The following AGBL4 variants were observed in gnomAD, a reference collection of about 807,000 sequenced individuals.
AGBL4 encodes cytosolic carboxypeptidase 6.
AGBL4 carries 58 observed loss-of-function variants against 66.4 expected under a neutral mutation model. The ratio of observed to expected loss-of-function variants is 0.87; its 90% CI spans 0.71 to 1.09. The LOEUF is 1.09. Among genes scored for constraint, AGBL4 ranks in the 50% least tolerant of loss-of-function variants. The pLI is 0.00. For synonymous variants in AGBL4, 234 were observed against 222.9 expected (o/e 1.05, Z -0.44); for missense variants, 579 against 631.0 (o/e 0.92, Z 0.88).
rs758324931 is a variant in AGBL4 at position 48,722,593 on chromosome 1, C to T, written c.635-59352G>A. On this transcript the variant is annotated intron_variant, in intron 6 of 13. Transcript: ENST00000371839. ...AGTCTCTCTGGCTCCAAAACTGATG[C>T]TCTTTCCATTATAACACGGTAAACT... is the stretch of plus-strand genomic sequence containing the variant. Among the ~76,000 whole-genome samples the T allele has an allele frequency of 9.9e-4, 150 of 152,276 alleles. No homozygotes were observed. In the Middle Eastern group the frequency reaches 0.02, roughly 21 times the overall value.
intron 3 of AGBL4, among the ~76,000 whole-genome samples, chr1:49,465,392 CTG>C (rs757179290): frequency 1.3e-4 from 19 of 151,652 alleles, no homozygotes; most frequent in Non-Finnish European, 2.5e-4. Flanking sequence ...ATTTGTAAAA[CTG>C]TCAGAATAAG....
At chr1:49,209,341 C>T (rs1648487291) in intron 4 of AGBL4, among the ~76,000 whole-genome samples, 1 of 152,066 alleles carries the variant, frequency 6.6e-6, no homozygotes, top group Non-Finnish European at 1.5e-5. Context: ...ATAATTTCTA[C>T]TCCCAATTCT....
chr1:49,614,767 T>C (rs767207648), intron 3 of AGBL4, among the ~76,000 whole-genome samples: 1 of 152,172 alleles, frequency 6.6e-6, no homozygotes. Context: ...GTTCATTAGT[T>C]ACCATTCACT....
At chr1:49,960,882 A>G (rs1331756458) in intron 1 of AGBL4, among the ~76,000 whole-genome samples, 1 of 152,104 alleles carries the variant, frequency 6.6e-6, no homozygotes, top group African/African-American at 2.4e-5. Context: ...AGACCACAGT[A>G]TGAGTAGGGA....
At chr1:49,220,698 C>T (rs1649428601) in intron 4 of AGBL4, among the ~76,000 whole-genome samples, 1 of 152,072 alleles carries the variant, frequency 6.6e-6, no homozygotes, top group South Asian at 2.1e-4. Flanking sequence ...CTGCAGTTCT[C>T]AGAGAGACCA....
intron 6 of AGBL4, among the ~76,000 whole-genome samples, chr1:48,722,054 G>C (rs1482673190): frequency 7.1e-6 from 1 of 140,136 alleles, no homozygotes; most frequent in Non-Finnish European, 1.5e-5. Context: ...CAGATAAGAG[G>C]AACAGAGAGA....
At chr1:49,808,257 A>G (rs1466280364) in intron 2 of AGBL4, among the ~76,000 whole-genome samples, 1 of 152,182 alleles carries the variant, frequency 6.6e-6, no homozygotes, top group East Asian at 1.9e-4. Context: ...TATTGATTGT[A>G]TATTACTCAT....
chr1:49,071,043 A>G (rs1416609048), intron 4 of AGBL4, among the ~76,000 whole-genome samples: 1 of 151,928 alleles, frequency 6.6e-6, no homozygotes, highest in African/African-American at 2.4e-5. Flanking sequence ...AGGTGTTTAT[A>G]GTATTCTCTG....
chr1:49,917,712 C>T (rs1293359951), intron 1 of AGBL4, among the ~76,000 whole-genome samples: 1 of 152,178 alleles, frequency 6.6e-6, no homozygotes, highest in East Asian at 1.9e-4. Flanking sequence ...AGGAATTAAA[C>T]TCAGCTCTGC....
At chr1:48,647,667 G>A in intron 8 of AGBL4, 1 of 431,024 alleles carries the variant, frequency 2.3e-6, no homozygotes, top group South Asian at 1.7e-5. Flanking sequence ...TGGAAAGTCT[G>A]TTTTTCAAAT....
chr1:48,577,420 C>T (rs1253013194), intron 11 of AGBL4, among the ~76,000 whole-genome samples: 1 of 152,178 alleles, frequency 6.6e-6, no homozygotes, highest in Non-Finnish European at 1.5e-5. Context: ...ACAGTTATCA[C>T]TATAAAGAAA....
intron 5 of AGBL4, among the ~76,000 whole-genome samples, chr1:48,990,051 C>CT (rs958738899): frequency 2.0e-5 from 3 of 152,052 alleles, no homozygotes; most frequent in African/African-American, 7.2e-5. Flanking sequence ...TTGTTATTGC[C>CT]TATCTTTTGG....
chr1:49,776,783 C>T (rs1427579082), intron 2 of AGBL4, among the ~76,000 whole-genome samples: 2 of 152,084 alleles, frequency 1.3e-5, no homozygotes, highest in Admixed American at 6.5e-5. Context: ...TTTGTAACCA[C>T]ATATTTATAT....
chr1:49,234,647 A>ACAGT (rs1205682023), intron 4 of AGBL4, among the ~76,000 whole-genome samples: 1 of 152,022 alleles, frequency 6.6e-6, no homozygotes, highest in Non-Finnish European at 1.5e-5. Context: ...TTTTGTCTCC[A>ACAGT]CAGTTGCCTC....
intron 3 of AGBL4, among the ~76,000 whole-genome samples, chr1:49,676,669 A>G (rs1012872695): frequency 6.6e-6 from 1 of 152,082 alleles, no homozygotes; most frequent in African/African-American, 2.4e-5. Flanking sequence ...ATACATTATT[A>G]TGTGTCATGT....
intron 5 of AGBL4, among the ~76,000 whole-genome samples, chr1:48,992,858 T>G (rs1381682339): frequency 6.6e-6 from 1 of 152,090 alleles, no homozygotes; most frequent in Non-Finnish European, 1.5e-5. Flanking sequence ...TGGCCAGGCC[T>G]GAAACTCACC....
At chr1:49,872,159 A>T (rs1646852418) in intron 1 of AGBL4, among the ~76,000 whole-genome samples, 1 of 151,972 alleles carries the variant, frequency 6.6e-6, no homozygotes, top group Admixed American at 6.6e-5. Context: ...AGTCAAGAAA[A>T]TTTTTTTAAG....
chr1:49,666,864 C>T (rs1646381307), intron 3 of AGBL4, among the ~76,000 whole-genome samples: 1 of 151,940 alleles, frequency 6.6e-6, no homozygotes, highest in Admixed American at 6.6e-5. Flanking sequence ...ACAGCTGGAG[C>T]CAAAATTTGA....
chr1:49,947,309 A>C (rs577011675), intron 1 of AGBL4, among the ~76,000 whole-genome samples: 1 of 152,156 alleles, frequency 6.6e-6, no homozygotes, highest in South Asian at 2.1e-4. Flanking sequence ...AATACTACCT[A>C]ACCCAATCTA....
Sources: gnomAD v4.1 joint callset for allele counts (sites outside exome capture counted in the v4.1 genomes callset) on GRCh38, gnomAD v4.1.1 for gene constraint, MANE v1.5 for transcripts, NCBI Gene and HGNC (gene_info 2026-07-23, HGNC 2026-07-21) for gene names.